Variants in NFIB observed in about 807,000 individuals in gnomAD.
NFIB encodes the protein nuclear factor I B.
Under a neutral mutation model 61.5 loss-of-function variants are expected in NFIB, and 11 were observed. The ratio of observed to expected loss-of-function variants is 0.18; its 90% CI spans 0.11 to 0.30. The LOEUF is 0.30. NFIB is among the 10% of genes least tolerant of loss of function. The pLI is 1.00. For missense variants in NFIB, 471 were observed against 608.9 expected, an observed-to-expected ratio of 0.77 and a Z score of 2.38; for synonymous variants, 260 against 216.5, an observed-to-expected ratio of 1.20 and a Z score of -1.76.
the NFIB span, among the ~76,000 whole-genome samples, chr9:14,426,443 C>T: frequency 6.6e-6 from 1 of 152,298 alleles, no homozygotes; most frequent in Admixed American, 6.5e-5. Context: ...AGACTGCAAG[C>T]TCATTGAGAA....
chr9:14,229,351 G>T (rs778568493), intron 2 of NFIB, among the ~76,000 whole-genome samples: 1 of 152,094 alleles, frequency 6.6e-6, no homozygotes, highest in African/African-American at 2.4e-5. Flanking sequence ...GTCTAAAGAC[G>T]ATGGCCTTAT....
chr9:14,294,785 A>C (rs2059318555), intron 2 of NFIB, among the ~76,000 whole-genome samples: 2 of 152,214 alleles, frequency 1.3e-5, no homozygotes, highest in South Asian at 4.1e-4. Context: ...GCTCCATATA[A>C]GAATATGATG....
chr9:14,239,614 G>C (rs1036653064), intron 2 of NFIB, among the ~76,000 whole-genome samples: 4 of 152,074 alleles, frequency 2.6e-5, no homozygotes, highest in African/African-American at 9.7e-5. Context: ...CTAACTTAAA[G>C]ATACATAAAC....
chr9:14,520,699 C>T, the NFIB span, among the ~76,000 whole-genome samples: 1 of 152,206 alleles, frequency 6.6e-6, no homozygotes, highest in African/African-American at 2.4e-5. Flanking sequence ...AACCATGTGT[C>T]ATGACCCATT....
At chr9:14,254,826 T>C (rs1478296391) in intron 2 of NFIB, among the ~76,000 whole-genome samples, 1 of 152,228 alleles carries the variant, frequency 6.6e-6, no homozygotes, top group Non-Finnish European at 1.5e-5. Flanking sequence ...TGTGCATATA[T>C]GTGCATTTAC....
chr9:14,166,585 C>T (rs192224952), intron 3 of NFIB, among the ~76,000 whole-genome samples: 171 of 152,252 alleles, frequency 1.1e-3, no homozygotes, highest in Admixed American at 4.1e-3. Flanking sequence ...TAGCATTAGT[C>T]CTTTTAATCC....
intron 1 of NFIB, among the ~76,000 whole-genome samples, chr9:14,354,376 G>C (rs895583872): frequency 2.6e-5 from 4 of 152,210 alleles, no homozygotes; most frequent in Non-Finnish European, 5.9e-5. Context: ...AAGTACTAAA[G>C]TATTGTGCTG....
intron 1 of NFIB, among the ~76,000 whole-genome samples, chr9:14,382,660 A>C (rs907828742): frequency 1.3e-5 from 2 of 152,142 alleles, no homozygotes; most frequent in African/African-American, 2.4e-5. Context: ...TTACGTGTGC[A>C]AGGAAGCTCC....
intron 10 of NFIB, among the ~76,000 whole-genome samples, chr9:14,111,543 A>C (rs763016411): frequency 6.6e-5 from 10 of 152,214 alleles, no homozygotes; most frequent in Admixed American, 1.3e-4. Context: ...TGATTTTTAA[A>C]AGAACAAGTT....
chr9:14,241,983 C>T (rs1030821545), intron 2 of NFIB, among the ~76,000 whole-genome samples: 1 of 152,038 alleles, frequency 6.6e-6, no homozygotes, highest in Non-Finnish European at 1.5e-5. Context: ...GAGCCTCCTA[C>T]CATATGCTGA....
chr9:14,458,893 C>T, the NFIB span, among the ~76,000 whole-genome samples: 1 of 151,684 alleles, frequency 6.6e-6, no homozygotes, highest in Non-Finnish European at 1.5e-5. Context: ...GAAGAATATT[C>T]CATGCTCATG....
At chr9:14,134,132 A>G (rs2130971415) in intron 6 of NFIB, among the ~76,000 whole-genome samples, 1 of 152,340 alleles carries the variant, frequency 6.6e-6, no homozygotes, top group Non-Finnish European at 1.5e-5. Context: ...AGGGCCATAA[A>G]GAATGTTCTA....
chr9:14,225,405 C>T (rs1007920745), intron 2 of NFIB, among the ~76,000 whole-genome samples: 4 of 137,316 alleles, frequency 2.9e-5, no homozygotes, highest in Middle Eastern at 4.2e-3. Context: ...TGCAGTGAGC[C>T]GAGATCCCGC....
intron 2 of NFIB, among the ~76,000 whole-genome samples, chr9:14,260,122 T>C (rs1418538923): frequency 6.6e-6 from 1 of 151,974 alleles, no homozygotes; most frequent in East Asian, 1.9e-4. Flanking sequence ...GACACTGGGG[T>C]GAGAACACGT....
intron 2 of NFIB, among the ~76,000 whole-genome samples, chr9:14,298,206 C>T (rs976637600): frequency 6.6e-6 from 1 of 152,058 alleles, no homozygotes; most frequent in South Asian, 2.1e-4. Flanking sequence ...TGGTTTTACC[C>T]TACATGTTTA....
At chr9:14,486,001 G>C in the NFIB span, among the ~76,000 whole-genome samples, 46 of 152,240 alleles carry the variant, frequency 3.0e-4, no homozygotes, top group South Asian at 1.2e-3. Flanking sequence ...TATAAGTAGA[G>C]GAAGGAAAAC....
At chr9:14,212,651 A>G (rs937308465) in intron 2 of NFIB, among the ~76,000 whole-genome samples, 3 of 147,908 alleles carry the variant, frequency 2.0e-5, no homozygotes, top group African/African-American at 7.9e-5. Context: ...AAAAAAAAAC[A>G]TGTTTAAAAC....
intron 1 of NFIB, among the ~76,000 whole-genome samples, chr9:14,392,949 C>T (rs1363129950): frequency 6.6e-6 from 1 of 152,174 alleles, no homozygotes; most frequent in East Asian, 1.9e-4. Flanking sequence ...CGATAACTTC[C>T]ACCACCTTAA....
At chr9:14,153,164 T>C (rs1484803856) in intron 4 of NFIB, among the ~76,000 whole-genome samples, 1 of 152,098 alleles carries the variant, frequency 6.6e-6, no homozygotes, top group African/African-American at 2.4e-5. Flanking sequence ...CATATTATGT[T>C]TTAATTTTGT....
Sources: gnomAD v4.1 joint callset for allele counts (sites outside exome capture counted in the v4.1 genomes callset) on GRCh38, gnomAD v4.1.1 for gene constraint, MANE v1.5 for transcripts, NCBI Gene and HGNC (gene_info 2026-07-23, HGNC 2026-07-21) for gene names.